Variants in CCDC125 observed in about 807,000 individuals in gnomAD.
CCDC125 encodes coiled-coil domain containing 125.
A neutral mutation model predicts 57.4 loss-of-function variants in CCDC125; 43 were observed. That is an observed-to-expected ratio of 0.75 (90% confidence interval 0.59 to 0.97). CCDC125 has a LOEUF of 0.97. Ranked by LOEUF, CCDC125 falls within the 50% of genes least tolerant of loss-of-function variation. The pLI, the probability that CCDC125 is intolerant of heterozygous loss-of-function variation, is 0.00. For missense variants in CCDC125, 563 were observed against 595.7 expected, an observed-to-expected ratio of 0.95 and a Z score of 0.57; for synonymous variants, 187 against 195.2, an observed-to-expected ratio of 0.96 and a Z score of 0.35.
At chr5:69,300,229 C>T (rs1756164215) in intron 7 of CCDC125, 102 bp from the exon 8 acceptor site, 1 of 829,366 alleles carries the variant, frequency 1.2e-6, no homozygotes, top group Middle Eastern at 2.4e-4. Context: ...ACAAGCAATA[C>T]ACTACCCACA....
chr5:69,293,378 T>G (rs1421286979), intron 9 of CCDC125, among the ~76,000 whole-genome samples: 1 of 152,056 alleles, frequency 6.6e-6, no homozygotes, highest in Non-Finnish European at 1.5e-5. Flanking sequence ...TTGGCTGGGC[T>G]CAGTGGCTCA....
intron 4 of CCDC125, chr5:69,309,489 G>T (rs1046926909): frequency 6.6e-6 from 1 of 152,226 alleles, no homozygotes; most frequent in Non-Finnish European, 1.5e-5. Context: ...TGAGCCTGCA[G>T]GTGCACAGAA....
chr5:69,315,264 A>T (rs1431276925), intron 2 of CCDC125, among the ~76,000 whole-genome samples: 104 of 47,574 alleles, frequency 2.2e-3, no homozygotes, highest in Non-Finnish European at 6.8e-4. Flanking sequence ...TCGAAAAAAT[A>T]AAAAAAATAA....
rs1321955438 is a variant in CCDC125, at chr5:69,285,462, G to T, written c.1105C>A (p.Pro369Thr). Residue 369 changes from proline (P) to threonine (T), a missense_variant, in exon 11 of 12, where the codon CCA (proline) becomes ACA (threonine). Coordinates refer to ENST00000396496, the MANE Select transcript of CCDC125 (RefSeq NM_176816.5). ...NWKHLKEDGF[P>T]SPRSKKTFGQ... ...AAGGTCTTCTTACTCCTTGGTGATG[G>T]AAATCCTAAAATTGAACATGAGAAT... 8 of 1,593,520 alleles carry T rather than the reference G, an allele frequency of 5.0e-6. No individual in the cohort carries two copies. The Admixed American group carries it at 1.5e-4, about 31-fold the overall frequency.
chr5:69,320,600 T>G lies in CCDC125; in HGVS notation c.-40-20A>C. On this transcript the variant is annotated intron_variant, in intron 1 of 11. Transcript: ENST00000396496. ...GGCTGTCTGTAGTTAAGAAAAACAG[T>G]AGTTAGGAAAACATCAGTAGATCCA... 1 of 1,173,748 alleles carries G rather than the reference T, an allele frequency of 8.5e-7. No individual in the cohort carries two copies. Among genetic ancestry groups the G allele is most frequent in the Non-Finnish European group, 1.2e-6 (1 of 820,966 alleles). The allele number at this position is 1,173,748 out of a possible 1,614,324, so 72.7% of individuals were successfully genotyped here.
intron 2 of CCDC125, among the ~76,000 whole-genome samples, chr5:69,315,930 T>TAAAAAA (rs34485198): frequency 8.5e-6 from 1 of 118,098 alleles, no homozygotes; most frequent in African/African-American, 3.2e-5. Context: ...TCAACGGCAG[T>TAAAAAA]AAAAAAAAAA....
At chr5:69,323,607 C>T (rs1407265387) in intron 1 of CCDC125, among the ~76,000 whole-genome samples, 1 of 152,040 alleles carries the variant, frequency 6.6e-6, no homozygotes, top group African/African-American at 2.4e-5. Context: ...TCAGGCCACG[C>T]ACAGCAGGTT....
intron 10 of CCDC125, among the ~76,000 whole-genome samples, chr5:69,286,218 ATATATATATATATAT>A (rs1250268311): frequency 2.4e-5 from 3 of 123,218 alleles, no homozygotes; most frequent in African/African-American, 9.1e-5. Context: ...ATATATATAT[ATATATATATATATAT>A]AATTTTTTTT....
intron 4 of CCDC125, chr5:69,310,049 C>T (rs1757905438): frequency 6.6e-6 from 1 of 152,216 alleles, no homozygotes; most frequent in Non-Finnish European, 1.5e-5. Context: ...AAGTAACTAG[C>T]TTGCTTTTGA....
At chr5:69,310,811 C>A in intron 4 of CCDC125, 1 of 167,516 alleles carries the variant, frequency 6.0e-6, no homozygotes, top group East Asian at 1.6e-4. Context: ...AAATAGATTA[C>A]TGGGGATAGG....
At chr5:69,308,560 A>G (rs540862803) in intron 4 of CCDC125, 122 of 189,974 alleles carry the variant, frequency 6.4e-4, no homozygotes, top group Middle Eastern at 2.2e-3. Context: ...TGATTCTGAG[A>G]CCTCCCCAGC....
At chr5:69,285,793 C>T (rs1753243260) in intron 10 of CCDC125, among the ~76,000 whole-genome samples, 2 of 152,164 alleles carry the variant, frequency 1.3e-5, no homozygotes, top group South Asian at 4.1e-4. Context: ...TAAATGTCAG[C>T]CACTAGTCTT....
chr5:69,302,059 G>T (rs1461515521), intron 7 of CCDC125, among the ~76,000 whole-genome samples: 1 of 151,272 alleles, frequency 6.6e-6, no homozygotes, highest in African/African-American at 2.4e-5. Context: ...CTCCAAACTG[G>T]GCAACAGAGC....
chr5:69,282,692 T>C lies in CCDC125; in HGVS notation c.*37A>G, dbSNP rs765432478. 22 of 1,485,952 alleles carry C rather than the reference T, an allele frequency of 1.5e-5. 1 individual carries two copies. The South Asian group carries it at 2.9e-4, about 19-fold the overall frequency. 92.0% of individuals were successfully genotyped at this position (1,485,952 alleles called of 1,614,324 possible). A position where few individuals can be genotyped will look rare whatever the true frequency, so the allele number is the denominator to read the frequency against. On this transcript the variant is annotated 3_prime_UTR_variant, in exon 12 of 12. Transcript: ENST00000396496. Reference sequence around the variant, plus strand: ...AATCATTTTTCAAAGTATCTCGATATAAACAACTCTCAGTTCCAATTTCAA... The same window carrying C: ...AATCATTTTTCAAAGTATCTCGATACAAACAACTCTCAGTTCCAATTTCAA...
In CCDC125 at chr5:69,313,724, T is replaced by G. The variant is rs1758536235; in HGVS notation, c.366+261A>C. 4 of 773,248 alleles carry G rather than the reference T, an allele frequency of 5.2e-6. No individual in the cohort carries two copies. The Middle Eastern group carries it at 6.9e-4, about 133-fold the overall frequency. 47.9% of individuals were successfully genotyped at this position (773,248 alleles called of 1,614,324 possible). A position where few individuals can be genotyped will look rare whatever the true frequency, so the allele number is the denominator to read the frequency against. ...CCACCAGTATCTCCTTGCCCTCCCC[T>G]TCAGGATGATGTTCTTCTTGTCTTC... On this transcript the variant is annotated intron_variant, in intron 3 of 11. Transcript: ENST00000396496.
At chr5:69,298,265 CG>C (rs1755751730) in intron 8 of CCDC125, among the ~76,000 whole-genome samples, 1 of 152,052 alleles carries the variant, frequency 6.6e-6, no homozygotes, top group African/African-American at 2.4e-5. Flanking sequence ...CCGCCCGCCT[CG>C]GCCTCCCAAA....
downstream of CCDC125, among the ~76,000 whole-genome samples, chr5:69,278,701 TC>T (rs1561385627): frequency 8.3e-6 from 1 of 120,458 alleles, no homozygotes; most frequent in Non-Finnish European, 1.7e-5. Context: ...AATCTCTCTC[TC>T]CTTTTTTTTT....
At chr5:69,275,415 TTTTAAG>T (rs1319272340), downstream of CCDC125, among the ~76,000 whole-genome samples, 1 of 152,166 alleles carries the variant, frequency 6.6e-6, no homozygotes, top group Non-Finnish European at 1.5e-5. Context: ...TGTAAGTTCT[TTTTAAG>T]TTTCTCTCTT....
chr5:69,285,252 G>T, intron 11 of CCDC125, 85 bp downstream of exon 11: 1 of 1,408,030 alleles, frequency 7.1e-7, no homozygotes. Context: ...ATTCAAAGCT[G>T]TTCTGGGCTG....
Sources: allele counts gnomAD v4.1 joint callset (sites outside exome capture counted in the v4.1 genomes callset), GRCh38; gene constraint gnomAD v4.1.1; transcripts MANE v1.5; gene names NCBI Gene and HGNC (gene_info 2026-07-23, HGNC 2026-07-21).